Variants in SLC31A1 observed in about 807,000 individuals in gnomAD.
SLC31A1 encodes the protein solute carrier family 31 member 1, also known as high affinity copper uptake protein 1.
Under a neutral mutation model 17.2 loss-of-function variants are expected in SLC31A1, and 5 were observed. The observed-to-expected ratio is 0.29, with a 90% CI of 0.15 to 0.61. The LOEUF (loss-of-function observed/expected upper bound fraction) is 0.61. Among genes scored for constraint, SLC31A1 ranks in the 20% least tolerant of loss-of-function variants. The probability of loss-of-function intolerance (pLI) is 0.86; values close to 1 mark genes in which losing one functional copy is unlikely to be tolerated. For missense variants in SLC31A1, 161 were observed against 241.4 expected (o/e 0.67, Z 2.21); for synonymous variants, 76 against 78.8 (o/e 0.96, Z 0.19).
Position 113,221,645 on chromosome 9 carries a change from G to A in SLC31A1, c.-69G>A. ...GGGGTGACGGGTTAAGATTCGGAGA[G>A]AGAGGTGCTAGTGGCTGGACTTGAC... On this transcript the variant is annotated 5_prime_UTR_variant, in exon 1 of 5. Coordinates refer to ENST00000374212, the MANE Select transcript of SLC31A1 (RefSeq NM_001859.4). 2 of 349,176 alleles carry A rather than the reference G, an allele frequency of 5.7e-6. No individual in the cohort carries two copies. The highest frequency in any genetic ancestry group is 8.3e-5 in the Admixed American group (2 of 24,000). The allele number at this position is 349,176 out of a possible 1,614,324, so 21.6% of individuals were successfully genotyped here.
At chr9:113,245,886 G>A (rs10817466) in intron 1 of SLC31A1, among the ~76,000 whole-genome samples, 11,665 of 150,182 alleles carry the variant, frequency 0.078, 558 homozygotes, top group South Asian at 0.14. Flanking sequence ...TGCCTGCCTC[G>A]GCCTCCCAAA....
intron 1 of SLC31A1, chr9:113,223,327 TAAAAA>T (rs5900047): frequency 2.1e-4 from 67 of 316,450 alleles, no homozygotes; most frequent in South Asian, 2.9e-4. Context: ...TGGGTGCACC[TAAAAA>T]AAAAAAAAAA....
chr9:113,238,778 TAAGTA>T (rs999446132), intron 1 of SLC31A1, among the ~76,000 whole-genome samples: 5 of 152,166 alleles, frequency 3.3e-5, no homozygotes, highest in African/African-American at 1.2e-4. Context: ...AATTAAAAAA[TAAGTA>T]AATAAAATCT....
chr9:113,233,289 G>T (rs1362746970), intron 1 of SLC31A1, among the ~76,000 whole-genome samples: 1 of 151,176 alleles, frequency 6.6e-6, no homozygotes. Flanking sequence ...TTGAATAGCT[G>T]CCATAATAAA....
chr9:113,241,335 G>A (rs1316866107), intron 1 of SLC31A1, among the ~76,000 whole-genome samples: 1 of 152,130 alleles, frequency 6.6e-6, no homozygotes, highest in Non-Finnish European at 1.5e-5. Context: ...TACAAATACT[G>A]GTTTAGCTTG....
intron 1 of SLC31A1, among the ~76,000 whole-genome samples, chr9:113,229,792 A>AT (rs1210670338): frequency 6.6e-6 from 1 of 152,202 alleles, no homozygotes; most frequent in Non-Finnish European, 1.5e-5. Flanking sequence ...TAATATCTTA[A>AT]TTTTTATCTC....
At chr9:113,230,231 C>T (rs1334906038) in intron 1 of SLC31A1, among the ~76,000 whole-genome samples, 3 of 152,056 alleles carry the variant, frequency 2.0e-5, no homozygotes, top group South Asian at 2.1e-4. Flanking sequence ...TTTGTTTGTT[C>T]GTTTGTTTGA....
chr9:113,247,945 T>C (rs568709419), intron 1 of SLC31A1, among the ~76,000 whole-genome samples: 2 of 152,236 alleles, frequency 1.3e-5, no homozygotes, highest in Non-Finnish European at 2.9e-5. Flanking sequence ...AACTATTTTA[T>C]GTGAACTAAA....
chr9:113,236,259 A>AT (rs1831457782), intron 1 of SLC31A1, among the ~76,000 whole-genome samples: 1 of 152,184 alleles, frequency 6.6e-6, no homozygotes, highest in South Asian at 2.1e-4. Context: ...AAGTGCTGGG[A>AT]TTACAGGTGT....
intron 4 of SLC31A1, among the ~76,000 whole-genome samples, chr9:113,259,379 A>G (rs1831764171): frequency 1.3e-5 from 2 of 152,112 alleles, no homozygotes; most frequent in Admixed American, 1.3e-4. Flanking sequence ...ACCAAATTGG[A>G]CCTTAAGAAA....
At chr9:113,237,498 G>A (rs1418091855) in intron 1 of SLC31A1, among the ~76,000 whole-genome samples, 5 of 151,450 alleles carry the variant, frequency 3.3e-5, no homozygotes, top group East Asian at 1.9e-4. Flanking sequence ...CCCTTAGAAC[G>A]CAAAAAAAGC....
rs533740563 is a variant in SLC31A1, at chr9:113,263,133, G to A, written c.*2660G>A. ...ATGATTGCGCCACTGCACTCAGCCC[G>A]GGTGACAAAGCAAGACCCTGTCTCA... On this transcript the variant is annotated 3_prime_UTR_variant, in exon 5 of 5. Transcript: ENST00000374212. 9 of 152,300 alleles carry A rather than the reference G, an allele frequency of 5.9e-5. No homozygotes were observed. The highest frequency in any genetic ancestry group is 2.1e-4 in the South Asian group (1 of 4,822). 9.4% of individuals were successfully genotyped at this position (152,300 alleles called of 1,614,324 possible).
chr9:113,236,692 A>G (rs1404400519), intron 1 of SLC31A1, among the ~76,000 whole-genome samples: 3 of 152,134 alleles, frequency 2.0e-5, no homozygotes, highest in Non-Finnish European at 2.9e-5. Context: ...ATGTACCTAA[A>G]CTTTTCAGAC....
At chr9:113,255,096 C>T (rs556136183) in intron 1 of SLC31A1, among the ~76,000 whole-genome samples, 1 of 152,244 alleles carries the variant, frequency 6.6e-6, no homozygotes, top group African/African-American at 2.4e-5. Flanking sequence ...GAAATTGTAT[C>T]TGAAGTCTGA....
Position 113,258,849 on chromosome 9 carries a change from C to CA in SLC31A1, c.359dup (p.His120GlnfsTer94). ...AAATGGAACCATCCTTATGGAGACACACAAAACTGTTGGGTAAGAACTGAA... is the reference window on the plus strand; with the variant it reads ...AAATGGAACCATCCTTATGGAGACACAACAAAACTGTTGGGTAAGAACTGAA... On this transcript the variant is annotated frameshift_variant, in exon 4 of 5. Coordinates refer to ENST00000374212, the MANE Select transcript of SLC31A1 (RefSeq NM_001859.4). LOFTEE classifies it high-confidence loss of function. The surrounding 1 kb of genome is among the most constrained non-coding windows in gnomAD (Gnocchi z 4.8). The CA allele has an allele frequency of 6.2e-7, 1 of 1,614,240 alleles. No individual in the cohort carries two copies. The highest frequency in any genetic ancestry group is 8.5e-7 in the Non-Finnish European group (1 of 1,180,030).
intron 1 of SLC31A1, among the ~76,000 whole-genome samples, chr9:113,243,950 T>C (rs1487646298): frequency 1.3e-5 from 2 of 151,944 alleles, no homozygotes; most frequent in African/African-American, 4.8e-5. Flanking sequence ...GGTCAGGAGT[T>C]TGAGACCAGC....
At chr9:113,225,046 C>T (rs1831325782) in intron 1 of SLC31A1, among the ~76,000 whole-genome samples, 1 of 152,178 alleles carries the variant, frequency 6.6e-6, no homozygotes, top group African/African-American at 2.4e-5. Flanking sequence ...CTCATTTATA[C>T]TTCATTGCTT....
At chr9:113,246,958 A>T (rs1171346231) in intron 1 of SLC31A1, among the ~76,000 whole-genome samples, 1 of 152,178 alleles carries the variant, frequency 6.6e-6, no homozygotes, top group East Asian at 1.9e-4. Flanking sequence ...TTTAAAATTC[A>T]CCTATAGGGG....
chr9:113,232,947 G>T (rs143169775), intron 1 of SLC31A1, among the ~76,000 whole-genome samples: 2 of 152,300 alleles, frequency 1.3e-5, no homozygotes, highest in East Asian at 3.9e-4. Flanking sequence ...TATATAGAGA[G>T]AACAGTAGAT....
Sources: gnomAD v4.1 joint callset for allele counts (sites outside exome capture counted in the v4.1 genomes callset) on GRCh38, gnomAD v4.1.1 for gene constraint, Gnocchi (gnomAD v3.1) non-coding constraint, MANE v1.5 for transcripts, NCBI Gene and HGNC (gene_info 2026-07-23, HGNC 2026-07-21) for gene names.